Variants in MYADML2 observed in about 807,000 individuals in gnomAD.
MYADML2 encodes the protein myeloid associated differentiation marker like 2.
MYADML2 carries 17 observed loss-of-function variants against 16.0 expected under a neutral mutation model. The observed-to-expected ratio is 1.06, with a 90% CI of 0.73 to 1.60. The LOEUF (loss-of-function observed/expected upper bound fraction) is 1.60. Among genes scored for constraint, MYADML2 ranks in the 40% most tolerant of loss-of-function variants. The probability of loss-of-function intolerance (pLI) is 0.00; values close to 1 mark genes in which losing one functional copy is unlikely to be tolerated. For synonymous variants in MYADML2, 210 were observed against 208.1 expected, an observed-to-expected ratio of 1.01 and a Z score of -0.08; for missense variants, 422 against 437.7, an observed-to-expected ratio of 0.96 and a Z score of 0.32.
rs569090810 is a variant in MYADML2, at chr17:81,941,235, G to T, written c.507C>A (p.Ile169=). The T allele has an allele frequency of 5.2e-6, 8 of 1,550,164 alleles. No homozygotes were observed. In the South Asian group the frequency reaches 7.1e-5, roughly 14 times the overall value. Residue 169 remains isoleucine, a synonymous_variant, in exon 3 of 3, where the codon ATC becomes ATA. Coordinates refer to ENST00000409745, the MANE Select transcript of MYADML2 (RefSeq NM_001145113.3). ...YMATVSGLLK[I]VQAFVACIIF... is the part of the protein sequence containing the mutation. ...TGATGCAGGCCACGAAGGCCTGGAC[G>T]ATCTTGAGGAGCCCCGACACCGTGG...
rs1351050768 is a variant in MYADML2, at chr17:81,940,878, C to T, written c.864G>A (p.Leu288=). 6.5e-7 allele frequency: 1 copy of T among 1,543,878 alleles called. No homozygotes were observed. Reference sequence around the variant, plus strand: ...AGGCGAGGTCAACGACGTACAGGAGCAGGTTGACGTAGGTGAAGATGGCCA... The same window carrying T: ...AGGCGAGGTCAACGACGTACAGGAGTAGGTTGACGTAGGTGAAGATGGCCA... ...LVVAIFTYVN[L]LLYVVDLAYS... The change falls in exon 3 of 3, where the codon CTG becomes CTA. Residue 288 remains leucine, a synonymous_variant. Coordinates refer to ENST00000409745, the MANE Select transcript of MYADML2 (RefSeq NM_001145113.3).
In MYADML2 at chr17:81,941,172, G is replaced by T. The variant is rs577920589; in HGVS notation, c.570C>A (p.Arg190=). ...GALVHDSRYG[R]YVATQWCVAV... ...CCACGCACCACTGGGTGGCCACGTA[G>T]CGCCCGTAGCGGCTGTCATGGACCA... Residue 190 remains arginine (R), a synonymous_variant, in exon 3 of 3, where the codon CGC becomes CGA. Coordinates refer to ENST00000409745, the MANE Select transcript of MYADML2 (RefSeq NM_001145113.3). The T allele has an allele frequency of 2.3e-4, 349 of 1,550,108 alleles. No homozygotes were observed. The highest frequency in any genetic ancestry group is 2.9e-4 in the Non-Finnish European group (336 of 1,146,950).
At chr17:81,946,437 A>T (rs971941246) in intron 1 of MYADML2, among the ~76,000 whole-genome samples, 1 of 151,484 alleles carries the variant, frequency 6.6e-6, no homozygotes, top group Non-Finnish European at 1.5e-5. Flanking sequence ...TCACAAGGTC[A>T]GGAGATCGAG....
chr17:81,941,459 C>G lies in MYADML2; in HGVS notation c.283G>C (p.Ala95Pro), dbSNP rs1407505515. The G allele has an allele frequency of 6.5e-7, 1 of 1,549,160 alleles. No homozygotes were observed. The highest frequency in any genetic ancestry group is 1.4e-5 in the African/African-American group (1 of 73,028). ...GCAGCCGTCGCGCATAGCAGGGTGG[C>G]CAGCATGGCGAAGGCGGCGGTGAAG... ...GNFTAAFAML[A>P]TLLCATAAVL... The change falls in exon 3 of 3, where the codon GCC becomes CCC. Residue 95 changes from alanine (A) to proline (P), a missense_variant. Physicochemically the swap from Ala to Pro is conservative, Grantham distance 27. Transcript: ENST00000409745.
chr17:81,942,629 G>A lies in MYADML2; in HGVS notation c.-180-256C>T, dbSNP rs1210829046. The stretch of plus-strand genomic sequence containing the variant: ...GTCACCCAGGCTGGAGTGCAATGGC[G>A]CGATCTCGGCTCCCAGGTTCAAGCA... On this transcript the variant is annotated intron_variant, in intron 1 of 2. Coordinates refer to ENST00000409745, the MANE Select transcript of MYADML2 (RefSeq NM_001145113.3). This position sits in a 1 kb window ranked among gnomAD's most constrained non-coding sequence, Gnocchi z 4.4. 6.6e-6 allele frequency among the ~76,000 whole-genome samples: 1 copy of A among 152,050 alleles called. No homozygotes were observed. The highest frequency in any genetic ancestry group is 2.4e-5 in the African/African-American group (1 of 41,404).
At chr17:81,944,163 G>T (rs2041326245) in intron 1 of MYADML2, among the ~76,000 whole-genome samples, 1 of 151,980 alleles carries the variant, frequency 6.6e-6, no homozygotes, top group Non-Finnish European at 1.5e-5. Context: ...CCAACACTTT[G>T]GGAGGCCGAG....
intron 1 of MYADML2, among the ~76,000 whole-genome samples, chr17:81,945,045 C>T (rs2041332900): frequency 6.6e-6 from 1 of 152,160 alleles, no homozygotes; most frequent in South Asian, 2.1e-4. Flanking sequence ...GCAGGCAGAT[C>T]ACTTGAGCTC....
Position 81,941,240 on chromosome 17 carries a change from TGAG to T in MYADML2, c.499_501del (p.Leu167del). The T allele has an allele frequency of 6.5e-7, 1 of 1,550,030 alleles. No homozygotes were observed. The highest frequency in any genetic ancestry group is 1.2e-5 in the South Asian group (1 of 84,058). On this transcript the variant is annotated inframe_deletion, in exon 3 of 3. Coordinates refer to ENST00000409745, the MANE Select transcript of MYADML2 (RefSeq NM_001145113.3). Reference sequence around the variant, plus strand: ...CAGGCCACGAAGGCCTGGACGATCTTGAGGAGCCCCGACACCGTGGCCATATAG... The same window carrying T: ...CAGGCCACGAAGGCCTGGACGATCTTGAGCCCCGACACCGTGGCCATATAG...
chr17:81,943,625 G>C (rs938904973), intron 1 of MYADML2, among the ~76,000 whole-genome samples: 22 of 149,398 alleles, frequency 1.5e-4, no homozygotes, highest in African/African-American at 5.4e-4. Context: ...GGATGGTCTC[G>C]ATCTCCTGAC....
chr17:81,943,122 T>C (rs2041318537), intron 1 of MYADML2, among the ~76,000 whole-genome samples: 1 of 151,456 alleles, frequency 6.6e-6, no homozygotes, highest in Non-Finnish European at 1.5e-5. Flanking sequence ...CAGGCTGGAG[T>C]ACAGTGGCGT....
In MYADML2 at chr17:81,940,546, C is replaced by A; in HGVS notation, c.*272G>T. On this transcript the variant is annotated 3_prime_UTR_variant, in exon 3 of 3. Transcript: ENST00000409745. ...AGTGACCAGCACTGAGCCCCAGGAG[C>A]GCTGGGAAATGGTGAGAGAGAGTGA... 1 of 438,246 alleles carries A rather than the reference C, an allele frequency of 2.3e-6. No individual in the cohort carries two copies. The highest frequency in any genetic ancestry group is 4.1e-6 in the Non-Finnish European group (1 of 244,308). The allele number at this position is 438,246 out of a possible 1,614,324, so 27.1% of individuals were successfully genotyped here. A position where few individuals can be genotyped will look rare whatever the true frequency, so the allele number is the denominator to read the frequency against.
chr17:81,941,978 A>C (rs984802777), intron 2 of MYADML2, 135 bp from the exon 3 acceptor site: 19 of 460,894 alleles, frequency 4.1e-5, no homozygotes, highest in Non-Finnish European at 6.5e-5. Context: ...GCCTGTCCCC[A>C]TCTTAGAGAG....
chr17:81,943,746 C>T (rs1174121277), intron 1 of MYADML2, among the ~76,000 whole-genome samples: 14 of 152,168 alleles, frequency 9.2e-5, no homozygotes, highest in Admixed American at 9.2e-4. Context: ...AATTCCATCA[C>T]CTGGATTCAA....
chr17:81,942,194 A>C lies in MYADML2; in HGVS notation c.-103+102T>G. On this transcript the variant is annotated intron_variant, in intron 2 of 2. Coordinates refer to ENST00000409745, the MANE Select transcript of MYADML2 (RefSeq NM_001145113.3). This position sits in a 1 kb window ranked among gnomAD's most constrained non-coding sequence, Gnocchi z 4.4. ...GGTAACCCCAGCTCCAGCAGCCTCC[A>C]GGGCCAGCTGTGCGGGGGAGGGGTG... 1.3e-5 allele frequency: 2 copies of C among 156,158 alleles called. No individual in the cohort carries two copies. Among genetic ancestry groups the C allele is most frequent in the Non-Finnish European group, 2.8e-5 (2 of 70,880 alleles). The allele number at this position is 156,158 out of a possible 1,614,324, so 9.7% of individuals were successfully genotyped here. A position where few individuals can be genotyped will look rare whatever the true frequency, so the allele number is the denominator to read the frequency against.
rs1000947527 is a variant in MYADML2 at position 81,939,763 on chromosome 17, C to G, written c.*1055G>C. 6.6e-6 allele frequency: 1 copy of G among 152,268 alleles called. No homozygotes were observed. The highest frequency in any genetic ancestry group is 2.4e-5 in the African/African-American group (1 of 41,468). 9.4% of individuals were successfully genotyped at this position (152,268 alleles called of 1,614,324 possible). ...TTGGACTCAGGGGTGGCCAGTGGGT[C>G]AGCTCCTGGCTGGACCAGGCTGGGC... On this transcript the variant is annotated 3_prime_UTR_variant, in exon 3 of 3. Transcript: ENST00000409745.
chr17:81,942,942 C>T lies in MYADML2; in HGVS notation c.-180-569G>A, dbSNP rs1255940705. Among the ~76,000 whole-genome samples, 2 of 151,798 alleles carry T rather than the reference C, an allele frequency of 1.3e-5. No individual in the cohort carries two copies. The highest frequency in any genetic ancestry group is 1.5e-5 in the Non-Finnish European group (1 of 67,950). On this transcript the variant is annotated intron_variant, in intron 1 of 2. Coordinates refer to ENST00000409745, the MANE Select transcript of MYADML2 (RefSeq NM_001145113.3). The surrounding 1 kb of genome is among the most constrained non-coding windows in gnomAD (Gnocchi z 4.4). ...CTCACTGCAGCCTCGACCTCCCAGG[C>T]TCAAGTGATCCTCCTGCCTCAGCCT...
chr17:81,945,778 G>A (rs1414455319), intron 1 of MYADML2, among the ~76,000 whole-genome samples: 5 of 150,858 alleles, frequency 3.3e-5, no homozygotes. Context: ...GAGGTGGGAG[G>A]ACTGCTTAAT....
In MYADML2 at chr17:81,944,131, G is replaced by A. The variant is rs551397159; in HGVS notation, c.-180-1758C>T. ...CGTCTCAAAAAAAAAAGGGCCGGACGCAGTGGCTCACACTTGTAATCCCAA... is the reference window on the plus strand; with the variant it reads ...CGTCTCAAAAAAAAAAGGGCCGGACACAGTGGCTCACACTTGTAATCCCAA... On this transcript the variant is annotated intron_variant, in intron 1 of 2. Transcript: ENST00000409745. 1.1e-3 allele frequency among the ~76,000 whole-genome samples: 160 copies of A among 151,704 alleles called. 2 individuals carry two copies. Among genetic ancestry groups the A allele is most frequent in the African/African-American group, 3.8e-3 (158 of 41,304 alleles).
chr17:81,946,649 A>G (rs560025672), intron 1 of MYADML2, among the ~76,000 whole-genome samples: 10 of 152,124 alleles, frequency 6.6e-5, no homozygotes, highest in African/African-American at 2.2e-4. Context: ...CTCCGTCTCA[A>G]AAGAAAATAC....
Sources: gnomAD v4.1 joint callset for allele counts (sites outside exome capture counted in the v4.1 genomes callset) on GRCh38, gnomAD v4.1.1 for gene constraint, Gnocchi (gnomAD v3.1) non-coding constraint, MANE v1.5 for transcripts, NCBI Gene and HGNC (gene_info 2026-07-23, HGNC 2026-07-21) for gene names.